Variants in DAB2 observed in about 807,000 individuals in gnomAD.
DAB2 encodes DAB adaptor protein 2, also known as disabled homolog 2.
A neutral mutation model predicts 71.6 loss-of-function variants in DAB2; 28 were observed. The ratio of observed to expected loss-of-function variants is 0.39; its 90% confidence interval spans 0.29 to 0.54. DAB2 has a LOEUF of 0.54. Among genes scored for constraint, DAB2 ranks in the 20% least tolerant of loss-of-function variants. The probability of loss-of-function intolerance (pLI) is 0.68; values close to 1 mark genes in which losing one functional copy is unlikely to be tolerated. For synonymous variants in DAB2, 345 were observed against 339.7 expected, an observed-to-expected ratio of 1.02 and a Z score of -0.17; for missense variants, 867 against 928.8, an observed-to-expected ratio of 0.93 and a Z score of 0.86.
Position 39,388,361 on chromosome 5 carries a change from C to A in DAB2, c.631G>T (p.Asp211Tyr), listed in dbSNP as rs537644993. The A allele has an allele frequency of 1.1e-4, 171 of 1,609,238 alleles. 2 individuals carry two copies. The South Asian group carries it at 1.8e-3, about 17-fold the overall frequency. The change falls in exon 9 of 15, where the codon GAC becomes TAC. Residue 211 changes from aspartate to tyrosine, a missense_variant. Physicochemically the swap from Asp to Tyr is radical, Grantham distance 160. This residue lies in a region of DAB2 where 740 missense variants were observed against 734.3 expected (regional missense o/e 1.01). Coordinates refer to ENST00000320816, the MANE Select transcript of DAB2 (RefSeq NM_001343.4). ...ATGTCCCCAAACAAATCCATCTGGT[C>A]AACACCCTTAAAAAAGTATTTGGAT... Reference protein sequence around the residue: ...DQTNKLKSGVDQMDLFGDMST... With the variant: ...DQTNKLKSGVYQMDLFGDMST...
At chr5:39,379,443 CAAAAAAA>C (rs33949918) in intron 11 of DAB2, among the ~76,000 whole-genome samples, 8 of 72,530 alleles carry the variant, frequency 1.1e-4, no homozygotes, top group Admixed American at 5.3e-4. Flanking sequence ...GACTCTGTCT[CAAAAAAA>C]AAAAAAAAAA....
At position 39,392,366 on chromosome 5, in the gene DAB2, C is replaced by G. The variant is rs1755253203; in HGVS notation, c.329G>C (p.Gly110Ala). Reference protein sequence around the residue: ...SGIKIIDEKTGVIEHEHPVNK... With the variant: ...SGIKIIDEKTAVIEHEHPVNK... ...GTATCAGCAAATGTGAATTCTTACC[C>G]CAGTTTTCTCATCAATTATTTTTAT... The change falls in exon 4 of 15, where the codon GGG becomes GCG. Residue 110 changes from glycine to alanine, a missense_variant and splice_region_variant. Around this residue, in one of 2 missense-constraint regions of DAB2, gnomAD observed 127 missense variants for 194.4 expected, o/e 0.65. Transcript: ENST00000320816. The G allele has an allele frequency of 1.2e-6, 2 of 1,610,992 alleles. No individual in the cohort carries two copies. The highest frequency in any genetic ancestry group is 1.7e-6 in the Non-Finnish European group (2 of 1,177,242).
intron 14 of DAB2, among the ~76,000 whole-genome samples, chr5:39,374,581 T>C (rs924425306): frequency 4.6e-5 from 7 of 152,312 alleles, no homozygotes; most frequent in Non-Finnish European, 7.4e-5. Context: ...AGAGAAGTAA[T>C]GATCATAATC....
In DAB2 at chr5:39,379,336, C is replaced by T. The variant is rs10073295; in HGVS notation, c.1505-2054G>A. Among the ~76,000 whole-genome samples, 758 of 149,858 alleles carry T rather than the reference C, an allele frequency of 5.1e-3. 5 individuals carry two copies. The highest frequency in any genetic ancestry group is 0.017 in the African/African-American group (708 of 40,738). ...GGTGTGGTGGCGCATGCCTGTAATC[C>T]CAGCTACTAGAGAGGCTGAGGCACT... On this transcript the variant is annotated intron_variant, in intron 11 of 14. Transcript: ENST00000320816.
At chr5:39,396,948 G>C (rs184153719) in intron 1 of DAB2, among the ~76,000 whole-genome samples, 1 of 152,314 alleles carries the variant, frequency 6.6e-6, no homozygotes, top group Non-Finnish European at 1.5e-5. Flanking sequence ...CTCTATCTCC[G>C]GTTAGTGAAG....
At chr5:39,393,169 C>A in intron 3 of DAB2, 85 bp downstream of exon 3, 1 of 1,394,248 alleles carries the variant, frequency 7.2e-7, no homozygotes, top group Non-Finnish European at 1.0e-6. Flanking sequence ...AGTAATTGAA[C>A]AATAGGTCAA....
Position 39,394,215 on chromosome 5 carries a change from T to A in DAB2, c.91+15A>T, listed in dbSNP as rs759143843. The A allele has an allele frequency of 1.3e-5, 21 of 1,609,434 alleles. No homozygotes were observed. The highest frequency in any genetic ancestry group is 1.7e-5 in the Non-Finnish European group (20 of 1,175,908). ...TCTAGCTCCCTTCCTTGGCTTCAAG[T>A]GGATTTCTCCATACCTTTCTTTTTT... On this transcript the variant is annotated intron_variant, in intron 2 of 14. Coordinates refer to ENST00000320816, the MANE Select transcript of DAB2 (RefSeq NM_001343.4).
chr5:39,424,496 C>T (rs1430115672), intron 1 of DAB2, among the ~76,000 whole-genome samples: 1 of 147,364 alleles, frequency 6.8e-6, no homozygotes, highest in Non-Finnish European at 1.5e-5. Context: ...CACACACACA[C>T]ACACACACAC....
chr5:39,380,322 A>C (rs1423005087), intron 11 of DAB2, among the ~76,000 whole-genome samples: 1 of 152,200 alleles, frequency 6.6e-6, no homozygotes, highest in Non-Finnish European at 1.5e-5. Flanking sequence ...GATATGATTA[A>C]ACAGATTTCT....
chr5:39,383,294 A>T, intron 9 of DAB2, 23 bp from the exon 10 acceptor site: 3 of 1,556,194 alleles, frequency 1.9e-6, no homozygotes, highest in Non-Finnish European at 2.6e-6. Context: ...GAAAGAAAAA[A>T]AAAGAAAGTG....
intron 9 of DAB2, among the ~76,000 whole-genome samples, chr5:39,383,969 T>C (rs1020965202): frequency 2.6e-5 from 4 of 152,238 alleles, no homozygotes; most frequent in African/African-American, 9.6e-5. Flanking sequence ...AAGTAGGATC[T>C]CATCCTCATC....
At chr5:39,398,434 G>A (rs1755422973) in intron 1 of DAB2, among the ~76,000 whole-genome samples, 1 of 152,172 alleles carries the variant, frequency 6.6e-6, no homozygotes, top group Non-Finnish European at 1.5e-5. Context: ...AAAGGTAATT[G>A]ATTTCCTTTG....
chr5:39,398,554 T>G (rs781644355), intron 1 of DAB2, among the ~76,000 whole-genome samples: 1 of 152,136 alleles, frequency 6.6e-6, no homozygotes, highest in Admixed American at 6.5e-5. Context: ...TGGATGTGTA[T>G]GTTGAGTTGC....
intron 9 of DAB2, among the ~76,000 whole-genome samples, chr5:39,384,599 T>C (rs1193979156): frequency 1.3e-5 from 2 of 152,328 alleles, no homozygotes; most frequent in South Asian, 2.1e-4. Flanking sequence ...CTCTCTATCA[T>C]TTCTCTGGTG....
At chr5:39,400,253 A>G (rs1326571513) in intron 1 of DAB2, among the ~76,000 whole-genome samples, 2 of 150,586 alleles carry the variant, frequency 1.3e-5, no homozygotes, top group East Asian at 3.9e-4. Flanking sequence ...TTTTCTTGAG[A>G]TAGAGTTTCA....
chr5:39,397,184 GT>G (rs1395932363), intron 1 of DAB2, among the ~76,000 whole-genome samples: 2 of 152,196 alleles, frequency 1.3e-5, no homozygotes, highest in African/African-American at 4.8e-5. Flanking sequence ...CCTGAATCCA[GT>G]TTTAACACTT....
intron 1 of DAB2, among the ~76,000 whole-genome samples, chr5:39,419,732 A>G (rs1009612108): frequency 2.6e-5 from 4 of 152,156 alleles, no homozygotes; most frequent in African/African-American, 9.7e-5. Context: ...GATTAATTAT[A>G]CTCTTTAAAA....
At chr5:39,384,000 C>T (rs1755041120) in intron 9 of DAB2, among the ~76,000 whole-genome samples, 1 of 152,166 alleles carries the variant, frequency 6.6e-6, no homozygotes, top group Admixed American at 6.5e-5. Flanking sequence ...CTCCTCTGGG[C>T]TTACCCTTTT....
At chr5:39,398,263 C>A (rs556078889) in intron 1 of DAB2, among the ~76,000 whole-genome samples, 2 of 152,288 alleles carry the variant, frequency 1.3e-5, no homozygotes, top group Non-Finnish European at 2.9e-5. Context: ...AAAAGTAACA[C>A]AAGACGTAGC....
Sources: allele counts gnomAD v4.1 joint callset (sites outside exome capture counted in the v4.1 genomes callset), GRCh38; gene constraint gnomAD v4.1.1; regional missense constraint gnomAD v4.1.1; transcripts MANE v1.5; gene names NCBI Gene and HGNC (gene_info 2026-07-23, HGNC 2026-07-21).